GDI2: variants seen among roughly 807,000 people sequenced by gnomAD.
GDI2 encodes the protein rab GDP dissociation inhibitor beta.
GDI2 carries 22 observed loss-of-function variants against 54.2 expected under a neutral mutation model. The observed-to-expected ratio is 0.41, with a 90% CI of 0.29 to 0.58. The LOEUF (loss-of-function observed/expected upper bound fraction) is 0.58. Ranked by LOEUF, GDI2 falls within the 20% of genes least tolerant of loss-of-function variation. The pLI, the probability that GDI2 is intolerant of heterozygous loss-of-function variation, is 0.35. For synonymous variants in GDI2, 177 were observed against 182.1 expected (o/e 0.97, Z 0.23); for missense variants, 422 against 546.0 (o/e 0.77, Z 2.26).
chr10:5,785,243 A>G lies in GDI2; in HGVS notation c.618T>C (p.Ile206=), dbSNP rs1278156093. The G allele has an allele frequency of 6.2e-7, 1 of 1,602,826 alleles. No individual in the cohort carries two copies. Among genetic ancestry groups the G allele is most frequent in the South Asian group, 1.1e-5 (1 of 90,652 alleles). ...DYLDQPCYET[I]NRIKLYSESL... is the part of the protein sequence containing the mutation. ...ATTCACTGTAAAGTTTAATTCTATTAATGGTTTCATAACACGGTTGATCTA... is the reference window on the plus strand; with the variant it reads ...ATTCACTGTAAAGTTTAATTCTATTGATGGTTTCATAACACGGTTGATCTA... The change falls in exon 6 of 11, where the codon ATT becomes ATC. Residue 206 remains isoleucine, a synonymous_variant. Transcript: ENST00000380191.
chr10:5,773,920 A>T lies in GDI2; in HGVS notation c.741T>A (p.Gly247=), dbSNP rs1405968683. Residue 247 remains glycine, a synonymous_variant, in exon 7 of 11, where the codon GGT becomes GGA. Coordinates refer to ENST00000380191, the MANE Select transcript of GDI2 (RefSeq NM_001494.4). ...CAATGGGTTTATTCAGCATATAGGTACCTCCATAAATAGCACTTAGCCTGG... is the reference window on the plus strand; with the variant it reads ...CAATGGGTTTATTCAGCATATAGGTTCCTCCATAAATAGCACTTAGCCTGG... ...GFARLSAIYG[G]TYMLNKPIEE... is the part of the protein sequence containing the mutation. The T allele has an allele frequency of 6.6e-7, 1 of 1,522,870 alleles. No individual in the cohort carries two copies. The highest frequency in any genetic ancestry group is 9.1e-7 in the Non-Finnish European group (1 of 1,104,498). 94.3% of individuals were successfully genotyped at this position (1,522,870 alleles called of 1,614,324 possible).
At chr10:5,807,992 T>C (rs1841410555) in intron 1 of GDI2, among the ~76,000 whole-genome samples, 1 of 152,128 alleles carries the variant, frequency 6.6e-6, no homozygotes, top group Non-Finnish European at 1.5e-5. Flanking sequence ...TGGAAGGGAA[T>C]AGAGCCAAAA....
intron 3 of GDI2, among the ~76,000 whole-genome samples, chr10:5,796,161 C>A (rs1484946321): frequency 1.3e-5 from 2 of 151,960 alleles, no homozygotes; most frequent in Non-Finnish European, 2.9e-5. Context: ...ACCAGCCTGG[C>A]CAACATGGTA....
Position 5,768,352 on chromosome 10 carries a change from G to A in GDI2, c.852C>T (p.Pro284=). The A allele has an allele frequency of 6.2e-7, 1 of 1,613,202 alleles. No homozygotes were observed. The highest frequency in any genetic ancestry group is 8.5e-7 in the Non-Finnish European group (1 of 1,179,162). The change falls in exon 8 of 11, where the codon CCC becomes CCT. Residue 284 remains proline (P), a synonymous_variant. Transcript: ENST00000380191. The surrounding 1 kb of genome is among the most constrained non-coding windows in gnomAD (Gnocchi z 4.4). ...IARCKQLICD[P]SYVKDRVEKV... ...TTTCTACCCGATCTTTTACGTAGCTGGGGTCACAGATGAGCTGCTTACAGC... is the reference window on the plus strand; with the variant it reads ...TTTCTACCCGATCTTTTACGTAGCTAGGGTCACAGATGAGCTGCTTACAGC...
intron 5 of GDI2, among the ~76,000 whole-genome samples, chr10:5,785,562 G>A (rs927495425): frequency 6.6e-6 from 1 of 152,060 alleles, no homozygotes; most frequent in African/African-American, 2.4e-5. Context: ...TTTTAGTAGA[G>A]AGGGGGTTTC....
At chr10:5,787,192 A>C (rs547528390) in intron 4 of GDI2, among the ~76,000 whole-genome samples, 7 of 152,286 alleles carry the variant, frequency 4.6e-5, no homozygotes, top group African/African-American at 1.7e-4. Flanking sequence ...TTTTCCAGCC[A>C]ACAAAACTGA....
Position 5,765,916 on chromosome 10 carries a change from C to T in GDI2, c.*90G>A. 1.1e-6 allele frequency: 1 copy of T among 909,450 alleles called. No homozygotes were observed. 56.3% of individuals were successfully genotyped at this position (909,450 alleles called of 1,614,324 possible). A position where few individuals can be genotyped will look rare whatever the true frequency, so the allele number is the denominator to read the frequency against. ...CTCTTCATTCTCTCCATTTTCATTA[C>T]AAAAGCAGGCCTTACAATATTGATT... is the stretch of plus-strand genomic sequence containing the variant. On this transcript the variant is annotated 3_prime_UTR_variant, in exon 11 of 11. Coordinates refer to ENST00000380191, the MANE Select transcript of GDI2 (RefSeq NM_001494.4).
chr10:5,807,305 C>G (rs1841397645), intron 1 of GDI2, among the ~76,000 whole-genome samples: 1 of 152,164 alleles, frequency 6.6e-6, no homozygotes, highest in African/African-American at 2.4e-5. Context: ...CTACTACAAC[C>G]TATCTGATGA....
rs779390963 is a variant in GDI2 at position 5,813,273 on chromosome 10, G to A, written c.-15C>T. The A allele has an allele frequency of 1.3e-6, 2 of 1,566,760 alleles. No individual in the cohort carries two copies. Among genetic ancestry groups the A allele is most frequent in the Non-Finnish European group, 1.7e-6 (2 of 1,158,598 alleles). ...TCCTCATTCATGGCGGGGCAGGCGCGGACGCAGGACCCGAGCAAGGAAAAG... is the reference window on the plus strand; with the variant it reads ...TCCTCATTCATGGCGGGGCAGGCGCAGACGCAGGACCCGAGCAAGGAAAAG... On this transcript the variant is annotated 5_prime_UTR_variant, in exon 1 of 11. Transcript: ENST00000380191.
At chr10:5,792,701 A>C (rs555658506) in intron 4 of GDI2, among the ~76,000 whole-genome samples, 2 of 151,948 alleles carry the variant, frequency 1.3e-5, no homozygotes, top group Admixed American at 6.6e-5. Context: ...AAAAAAAAAA[A>C]ACAGAAGAAG....
chr10:5,795,607 AATTT>A (rs1202430327), intron 3 of GDI2, among the ~76,000 whole-genome samples: 2 of 152,134 alleles, frequency 1.3e-5, no homozygotes, highest in African/African-American at 2.4e-5. Flanking sequence ...AGCAATGAAA[AATTT>A]ATTAGAGATA....
Position 5,811,478 on chromosome 10 carries a change from C to T in GDI2, c.45+1736G>A, listed in dbSNP as rs80043501. On this transcript the variant is annotated intron_variant, in intron 1 of 10. Coordinates refer to ENST00000380191, the MANE Select transcript of GDI2 (RefSeq NM_001494.4). ...AAGCCTGCATGATGGTGGATTTGCACTCACTCGTGCATGCTTAACTGACCT... is the reference window on the plus strand; with the variant it reads ...AAGCCTGCATGATGGTGGATTTGCATTCACTCGTGCATGCTTAACTGACCT... Among the ~76,000 whole-genome samples the T allele has an allele frequency of 5.9e-3, 898 of 152,248 alleles. 12 individuals are homozygous for T. Among genetic ancestry groups the T allele is most frequent in the Middle Eastern group, 0.041 (12 of 294 alleles).
intron 7 of GDI2, among the ~76,000 whole-genome samples, chr10:5,771,319 C>T (rs758086755): frequency 6.6e-6 from 1 of 152,194 alleles, no homozygotes; most frequent in African/African-American, 2.4e-5. Context: ...AATCCTGGCT[C>T]TACCTAACCT....
intron 1 of GDI2, among the ~76,000 whole-genome samples, chr10:5,800,912 CATA>C (rs750932472): frequency 3.9e-5 from 6 of 151,918 alleles, no homozygotes; most frequent in South Asian, 2.1e-4. Flanking sequence ...AAAACTGTTT[CATA>C]ATAACACTAA....
chr10:5,803,190 G>A (rs1436044616), intron 1 of GDI2, among the ~76,000 whole-genome samples: 3 of 152,180 alleles, frequency 2.0e-5, no homozygotes, highest in Non-Finnish European at 2.9e-5. Flanking sequence ...AATATACTCA[G>A]GCAGATGGCT....
Position 5,774,397 on chromosome 10 carries a change from T to A in GDI2, c.720-456A>T, listed in dbSNP as rs1405490358. Among the ~76,000 whole-genome samples, 1 of 152,176 alleles carries A rather than the reference T, an allele frequency of 6.6e-6. No individual in the cohort carries two copies. The highest frequency in any genetic ancestry group is 2.4e-5 in the African/African-American group (1 of 41,448). ...CATATTTTGGTGCCTGTGACTCGGC[T>A]ACCTTCCACCAGCAACACATTTGGT... On this transcript the variant is annotated intron_variant, in intron 6 of 10. Transcript: ENST00000380191. The surrounding 1 kb of genome is among the most constrained non-coding windows in gnomAD (Gnocchi z 4.8).
intron 4 of GDI2, among the ~76,000 whole-genome samples, chr10:5,789,058 T>C (rs753175313): frequency 6.6e-6 from 1 of 152,072 alleles, no homozygotes; most frequent in African/African-American, 2.4e-5. Context: ...TGAGCCACTA[T>C]GCCCAGCCAG....
chr10:5,775,710 TTA>T (rs1425170080), intron 6 of GDI2, among the ~76,000 whole-genome samples: 4 of 151,938 alleles, frequency 2.6e-5, no homozygotes, highest in Non-Finnish European at 5.9e-5. Context: ...TTAGCAGAGA[TTA>T]TAGAGGAAGG....
chr10:5,774,019 A>G lies in GDI2; in HGVS notation c.720-78T>C. On this transcript the variant is annotated intron_variant, in intron 6 of 10. Transcript: ENST00000380191. This position sits in a 1 kb window ranked among gnomAD's most constrained non-coding sequence, Gnocchi z 4.8. ...AAGTCCCCTTTCTTAGATCTTAATG[A>G]GTTACAGACAATATACATTTGTTCA... 2 of 663,808 alleles carry G rather than the reference A, an allele frequency of 3.0e-6. No individual in the cohort carries two copies. Among genetic ancestry groups the G allele is most frequent in the Non-Finnish European group, 2.6e-6 (1 of 378,152 alleles). 41.1% of individuals were successfully genotyped at this position (663,808 alleles called of 1,614,324 possible).
Sources: gnomAD v4.1 joint callset for allele counts (sites outside exome capture counted in the v4.1 genomes callset) on GRCh38, gnomAD v4.1.1 for gene constraint, Gnocchi (gnomAD v3.1) non-coding constraint, MANE v1.5 for transcripts, NCBI Gene and HGNC (gene_info 2026-07-23, HGNC 2026-07-21) for gene names.